DNAJC5: variants seen among roughly 807,000 people sequenced by gnomAD.
The protein encoded by DNAJC5 is DnaJ heat shock protein family (Hsp40) member C5, also known as dnaJ homolog subfamily C member 5.
A neutral mutation model predicts 23.2 loss-of-function variants in DNAJC5; 1 was observed. The observed-to-expected ratio is 0.04, with a 90% CI of 0.02 to 0.20. The LOEUF is 0.20. Ranked by LOEUF, DNAJC5 falls within the 10% of genes least tolerant of loss-of-function variation. The probability of loss-of-function intolerance (pLI) is 1.00; values close to 1 mark genes in which losing one functional copy is unlikely to be tolerated. For missense variants in DNAJC5, 180 were observed against 267.0 expected, an observed-to-expected ratio of 0.67 and a Z score of 2.27; for synonymous variants, 136 against 120.0, an observed-to-expected ratio of 1.13 and a Z score of -0.87.
In DNAJC5 at chr20:63,933,139, A is replaced by T. The variant is rs1036769692; in HGVS notation, c.*1571A>T. 5 of 152,304 alleles carry T rather than the reference A, an allele frequency of 3.3e-5. No individual in the cohort carries two copies. The highest frequency in any genetic ancestry group is 1.2e-4 in the African/African-American group (5 of 41,418). 9.4% of individuals were successfully genotyped at this position (152,304 alleles called of 1,614,324 possible). ...CCCTGTAGAGATAAAGCTGAGGAGG[A>T]GGCTGTGTGTGATGGCTCTGGCTCG... On this transcript the variant is annotated 3_prime_UTR_variant, in exon 5 of 5. Coordinates refer to ENST00000360864, the MANE Select transcript of DNAJC5 (RefSeq NM_025219.3).
intron 1 of DNAJC5, among the ~76,000 whole-genome samples, chr20:63,921,835 G>A (rs1337248725): frequency 6.6e-6 from 1 of 151,932 alleles, no homozygotes; most frequent in Non-Finnish European, 1.5e-5. Flanking sequence ...CTGACGTCCA[G>A]TGGTGCAATT....
chr20:63,933,959 T>G lies in DNAJC5; in HGVS notation c.*2391T>G, dbSNP rs2146313048. The G allele has an allele frequency of 1.3e-5, 2 of 151,978 alleles. No individual in the cohort carries two copies. The highest frequency in any genetic ancestry group is 1.9e-4 in the East Asian group (1 of 5,296). 9.4% of individuals were successfully genotyped at this position (151,978 alleles called of 1,614,324 possible). A position where few individuals can be genotyped will look rare whatever the true frequency, so the allele number is the denominator to read the frequency against. On this transcript the variant is annotated 3_prime_UTR_variant, in exon 5 of 5. Transcript: ENST00000360864. ...GCTCCCTGCGGAAGGTGGGGTAGGGTGGGAAAGAGGAGCAGGTCTGGAGGT... is the reference window on the plus strand; with the variant it reads ...GCTCCCTGCGGAAGGTGGGGTAGGGGGGGAAAGAGGAGCAGGTCTGGAGGT...
rs2053708190 is a variant in DNAJC5, at chr20:63,935,215, A to C, written c.*3647A>C. ...TGTGTACATATGTGTATATGTATAT[A>C]TCACGCAGCAGGAGTGTCATTCATG... On this transcript the variant is annotated 3_prime_UTR_variant, in exon 5 of 5. Coordinates refer to ENST00000360864, the MANE Select transcript of DNAJC5 (RefSeq NM_025219.3). 1 of 152,252 alleles carries C rather than the reference A, an allele frequency of 6.6e-6. No individual in the cohort carries two copies. The highest frequency in any genetic ancestry group is 6.5e-5 in the Admixed American group (1 of 15,288). 9.4% of individuals were successfully genotyped at this position (152,252 alleles called of 1,614,324 possible).
At chr20:63,916,714 G>C (rs6062585) in intron 1 of DNAJC5, among the ~76,000 whole-genome samples, 1 of 152,128 alleles carries the variant, frequency 6.6e-6, no homozygotes, top group Non-Finnish European at 1.5e-5. Flanking sequence ...GCGTATTTCA[G>C]TCCTTATCTC....
intron 1 of DNAJC5, among the ~76,000 whole-genome samples, chr20:63,898,090 G>A (rs1015457791): frequency 4.6e-5 from 7 of 152,180 alleles, no homozygotes; most frequent in African/African-American, 1.7e-4. Flanking sequence ...CGTCAGAGCT[G>A]GAACTTGAAC....
At chr20:63,910,799 A>G (rs2053478211) in intron 1 of DNAJC5, among the ~76,000 whole-genome samples, 1 of 151,682 alleles carries the variant, frequency 6.6e-6, no homozygotes, top group Admixed American at 6.6e-5. Flanking sequence ...CAGCCTCCCA[A>G]GTAGCTGGGA....
At chr20:63,902,382 T>G (rs1022625393) in intron 1 of DNAJC5, among the ~76,000 whole-genome samples, 1 of 102,026 alleles carries the variant, frequency 9.8e-6, no homozygotes, top group Admixed American at 1.2e-4. Context: ...TTTTTTTTTT[T>G]GAGACGGAGT....
chr20:63,895,710 T>C (rs1006728131), intron 1 of DNAJC5, among the ~76,000 whole-genome samples: 1 of 152,068 alleles, frequency 6.6e-6, no homozygotes, highest in Admixed American at 6.5e-5. Flanking sequence ...AGCTGGGCCA[T>C]CGCTGGTCTT....
chr20:63,900,054 A>G (rs896690153), intron 1 of DNAJC5, among the ~76,000 whole-genome samples: 1 of 150,772 alleles, frequency 6.6e-6, no homozygotes, highest in African/African-American at 2.4e-5. Context: ...ACACCCGGCT[A>G]ATTTTTGTAT....
intron 1 of DNAJC5, among the ~76,000 whole-genome samples, chr20:63,912,672 A>T (rs1387807126): frequency 6.6e-6 from 1 of 152,008 alleles, no homozygotes; most frequent in African/African-American, 2.4e-5. Context: ...CAGTGGCGTG[A>T]TCTCAGCTCA....
chr20:63,930,496 C>T (rs530852190), intron 3 of DNAJC5, among the ~76,000 whole-genome samples: 3 of 152,280 alleles, frequency 2.0e-5, no homozygotes, highest in Admixed American at 6.5e-5. Context: ...TACAGGTGCC[C>T]GCCACCACGT....
At chr20:63,922,050 A>C (rs2053577863) in intron 1 of DNAJC5, among the ~76,000 whole-genome samples, 1 of 152,094 alleles carries the variant, frequency 6.6e-6, no homozygotes, top group Non-Finnish European at 1.5e-5. Context: ...AAGTGCTGGA[A>C]TTACAGGCGT....
In DNAJC5 at chr20:63,935,294, C is replaced by G. The variant is rs2053709024; in HGVS notation, c.*3726C>G. The G allele has an allele frequency of 1.3e-5, 2 of 152,298 alleles. No individual in the cohort carries two copies. The highest frequency in any genetic ancestry group is 4.8e-5 in the African/African-American group (2 of 41,448). 9.4% of individuals were successfully genotyped at this position (152,298 alleles called of 1,614,324 possible). A position where few individuals can be genotyped will look rare whatever the true frequency, so the allele number is the denominator to read the frequency against. ...CAATTAAAGGTGGCTCTGAAATGGC[C>G]TCTGGTTTCTTGGGAGTCGGGCAGG... is the stretch of plus-strand genomic sequence containing the variant. On this transcript the variant is annotated 3_prime_UTR_variant, in exon 5 of 5. Coordinates refer to ENST00000360864, the MANE Select transcript of DNAJC5 (RefSeq NM_025219.3).
chr20:63,929,964 C>T lies in DNAJC5; in HGVS notation c.321+439C>T, dbSNP rs949806720. Among the ~76,000 whole-genome samples, 3 of 152,216 alleles carry T rather than the reference C, an allele frequency of 2.0e-5. No individual in the cohort carries two copies. Among genetic ancestry groups the T allele is most frequent in the African/African-American group, 4.8e-5 (2 of 41,458 alleles). Reference sequence around the variant, plus strand: ...CAGATTGTCCCAGGGAAGAGCCGTGCGGAGCCGCCAGGGTTTCTTCTGTAA... The same window carrying T: ...CAGATTGTCCCAGGGAAGAGCCGTGTGGAGCCGCCAGGGTTTCTTCTGTAA... On this transcript the variant is annotated intron_variant, in intron 3 of 4. Transcript: ENST00000360864. This position sits in a 1 kb window ranked among gnomAD's most constrained non-coding sequence, Gnocchi z 8.6.
intron 1 of DNAJC5, among the ~76,000 whole-genome samples, chr20:63,915,078 C>T (rs752557657): frequency 2.0e-5 from 3 of 152,106 alleles, no homozygotes; most frequent in African/African-American, 4.8e-5. Flanking sequence ...CAGGGAGAGA[C>T]GGGCTGCTCC....
chr20:63,929,728 G>GTGCGGGCGCCCGAGTCACTCCTGCCA lies in DNAJC5; in HGVS notation c.321+210_321+211insGCCCGAGTCACTCCTGCCATGCGGGC, dbSNP rs1568989644. On this transcript the variant is annotated intron_variant, in intron 3 of 4. Coordinates refer to ENST00000360864, the MANE Select transcript of DNAJC5 (RefSeq NM_025219.3). This position sits in a 1 kb window ranked among gnomAD's most constrained non-coding sequence, Gnocchi z 8.6. ...TGCGGGCGCCCGAGTCACTCCTGCC[G>GTGCGGGCGCCCGAGTCACTCCTGCCA]TGCGGGCACCCGAGTCTCTCCTGCC... is the stretch of plus-strand genomic sequence containing the variant. Among the ~76,000 whole-genome samples the GTGCGGGCGCCCGAGTCACTCCTGCCA allele has an allele frequency of 1.2e-4, 15 of 130,042 alleles. No individual in the cohort carries two copies. The highest frequency in any genetic ancestry group is 4.2e-4 in the African/African-American group (15 of 35,828). 85.3% of individuals were successfully genotyped at this position (130,042 alleles called of 152,430 possible). A position where few individuals can be genotyped will look rare whatever the true frequency, so the allele number is the denominator to read the frequency against.
intron 1 of DNAJC5, among the ~76,000 whole-genome samples, chr20:63,901,981 T>A (rs2053415800): frequency 6.6e-6 from 1 of 152,156 alleles, no homozygotes; most frequent in Non-Finnish European, 1.5e-5. Context: ...TGTTAAAATC[T>A]GAGATTTTAC....
chr20:63,917,552 C>CTTA (rs1288358069), intron 1 of DNAJC5, among the ~76,000 whole-genome samples: 4 of 148,040 alleles, frequency 2.7e-5, no homozygotes, highest in Non-Finnish European at 5.9e-5. Context: ...TGCATCCAGC[C>CTTA]TTATTATTAT....
chr20:63,925,754 C>A (rs1600881356), intron 1 of DNAJC5, among the ~76,000 whole-genome samples: 2 of 148,428 alleles, frequency 1.3e-5, no homozygotes, highest in Non-Finnish European at 1.5e-5. Context: ...GAGACTATCT[C>A]AAAACCCCAT....
Sources: gnomAD v4.1 joint callset for allele counts (sites outside exome capture counted in the v4.1 genomes callset) on GRCh38, gnomAD v4.1.1 for gene constraint, Gnocchi (gnomAD v3.1) non-coding constraint, MANE v1.5 for transcripts, NCBI Gene and HGNC (gene_info 2026-07-23, HGNC 2026-07-21) for gene names.